Variants in UPRT observed in about 807,000 individuals in gnomAD.
UPRT encodes the protein RP11-311P8.3.
In UPRT, 5 loss-of-function variants were observed where a neutral mutation model predicts 22.6. The ratio of observed to expected loss-of-function variants is 0.22; its 90% CI spans 0.12 to 0.47. The LOEUF (loss-of-function observed/expected upper bound fraction) is 0.47, where lower values mean the gene tolerates loss of function less well. Among genes scored for constraint, UPRT ranks in the 20% least tolerant of loss-of-function variants. UPRT has a pLI of 0.99. For missense variants in UPRT, 181 were observed against 239.9 expected (o/e 0.75, Z 1.62); for synonymous variants, 77 against 87.7 (o/e 0.88, Z 0.68).
At chrX:75,189,246 A>G (rs1437085171) in intron 4 of UPRT, among the ~76,000 whole-genome samples, 2 of 112,034 alleles carry the variant, frequency 1.8e-5, no homozygotes, top group Non-Finnish European at 3.8e-5. Context: ...TGTACCCAGT[A>G]GTCATTCAGG....
intron 4 of UPRT, among the ~76,000 whole-genome samples, chrX:75,196,865 T>C (rs1209751773): frequency 1.8e-5 from 2 of 110,946 alleles, no homozygotes; most frequent in African/African-American, 6.6e-5. Flanking sequence ...ATAATAATAA[T>C]AATAATAATA....
chrX:75,255,696 C>A (rs772540243), intron 4 of UPRT, among the ~76,000 whole-genome samples: 1 of 111,577 alleles, frequency 9.0e-6, no homozygotes, highest in Non-Finnish European at 1.9e-5. Flanking sequence ...ACACCAAAAG[C>A]GAGCTGAAGT....
At chrX:75,297,637 T>A in intron 4 of UPRT, 84 bp downstream of exon 4, 1 of 1,033,366 alleles carries the variant, frequency 9.7e-7, no homozygotes, top group African/African-American at 1.8e-5. Context: ...GGCTTGTCTG[T>A]CATAATTGCA....
intron 1 of UPRT, chrX:75,291,428 T>C (rs2147699077): frequency 3.1e-6 from 1 of 323,124 alleles, no homozygotes; most frequent in East Asian, 1.0e-4. Context: ...GGTTATGATT[T>C]AAAATGAAGT....
At chrX:75,279,950 T>A (rs2082647406) in intron 1 of UPRT, among the ~76,000 whole-genome samples, 1 of 111,454 alleles carries the variant, frequency 9.0e-6, no homozygotes, top group Non-Finnish European at 1.9e-5. Context: ...TCTAATCTCA[T>A]CCAGGTCACT....
chrX:75,171,936 T>C (rs2082229219), intron 4 of UPRT, among the ~76,000 whole-genome samples: 1 of 111,901 alleles, frequency 8.9e-6, no homozygotes, highest in Non-Finnish European at 1.9e-5. Context: ...ATGTGAACTG[T>C]CTTCAGGTCT....
intron 4 of UPRT, among the ~76,000 whole-genome samples, chrX:75,185,415 T>C (rs186048324): frequency 5.0e-4 from 56 of 112,063 alleles, no homozygotes; most frequent in African/African-American, 1.8e-3. Flanking sequence ...CTGCTGGATT[T>C]GGTTTGCCAG....
intron 4 of UPRT, among the ~76,000 whole-genome samples, chrX:75,195,156 G>C (rs1001843739): frequency 8.9e-6 from 1 of 112,320 alleles, no homozygotes; most frequent in Non-Finnish European, 1.9e-5. Flanking sequence ...GTGGTGGGGT[G>C]ATGGCATGGG....
chrX:75,258,829 C>CG (rs1486070680), intron 4 of UPRT, among the ~76,000 whole-genome samples: 1 of 111,996 alleles, frequency 8.9e-6, no homozygotes, highest in Non-Finnish European at 1.9e-5. Flanking sequence ...GACTGGGAGA[C>CG]GCATCCCAGT....
chrX:75,272,350 A>G (rs1292304452), upstream of UPRT, among the ~76,000 whole-genome samples: 1,334 of 86,049 alleles, frequency 0.016, 49 homozygotes, highest in African/African-American at 0.042. Flanking sequence ...ATATACACAT[A>G]TATATATGTG....
At chrX:75,190,233 A>T in intron 4 of UPRT, among the ~76,000 whole-genome samples, 2 of 111,563 alleles carry the variant, frequency 1.8e-5, no homozygotes, top group Admixed American at 1.9e-4. Flanking sequence ...TCCTTCTCTT[A>T]TGAAGCTTAG....
intron 4 of UPRT, among the ~76,000 whole-genome samples, chrX:75,243,693 G>A (rs2082495251): frequency 9.0e-6 from 1 of 111,326 alleles, no homozygotes; most frequent in African/African-American, 3.3e-5. Flanking sequence ...GAAAACACAA[G>A]GCACAAAGGC....
At position 75,182,843 on chromosome X, in the gene UPRT, C is replaced by T. The variant is rs2082275485; in HGVS notation, c.-447+14964C>T. On this transcript the variant is annotated intron_variant, in intron 4 of 13. Transcript: ENST00000652605. ...GTATGGCTTTAAACACCTCAATTTCCTTCAGTTTAGGTATGATTTTGGTTA... is the reference window on the plus strand; with the variant it reads ...GTATGGCTTTAAACACCTCAATTTCTTTCAGTTTAGGTATGATTTTGGTTA... 4.6e-5 allele frequency among the ~76,000 whole-genome samples: 5 copies of T among 109,823 alleles called. No homozygotes were observed. The South Asian group carries it at 2.0e-3, about 43-fold the overall frequency.
chrX:75,269,642 C>G (rs779969374), upstream of UPRT, among the ~76,000 whole-genome samples: 20 of 111,640 alleles, frequency 1.8e-4, no homozygotes, highest in South Asian at 7.6e-3. Flanking sequence ...CTGACAAAAA[C>G]AAGCAATGGG....
In UPRT at chrX:75,211,937, C is replaced by T. The variant is rs771805146; in HGVS notation, c.-447+44058C>T. On this transcript the variant is annotated intron_variant, in intron 4 of 13. Transcript: ENST00000652605. ...TTATAGGCTTGGGCAATTCATAGGT[C>T]TGAGTGGGAGGGGACTGTGGGGGCA... is the stretch of plus-strand genomic sequence containing the variant. 6.3e-5 allele frequency among the ~76,000 whole-genome samples: 7 copies of T among 111,444 alleles called. No individual in the cohort carries two copies. The South Asian group carries it at 2.7e-3, about 42-fold the overall frequency.
chrX:75,185,691 A>G (rs1380235819), intron 4 of UPRT, among the ~76,000 whole-genome samples: 1 of 111,863 alleles, frequency 8.9e-6, no homozygotes, highest in Non-Finnish European at 1.9e-5. Context: ...TATTGCCACA[A>G]TTTCAGATCC....
intron 4 of UPRT, among the ~76,000 whole-genome samples, chrX:75,189,287 C>G (rs1036631566): frequency 9.0e-6 from 1 of 111,700 alleles, no homozygotes; most frequent in Non-Finnish European, 1.9e-5. Context: ...TGTAGTTGAG[C>G]GGTTTTGAGT....
At chrX:75,197,503 A>G (rs1313274623) in intron 4 of UPRT, among the ~76,000 whole-genome samples, 2 of 112,408 alleles carry the variant, frequency 1.8e-5, no homozygotes, top group African/African-American at 6.5e-5. Context: ...AACAATTGAA[A>G]TATGAATAAA....
chrX:75,156,402 G>A, exon 1 of UPRT: 1 of 753,049 alleles, frequency 1.3e-6, no homozygotes, highest in Admixed American at 2.7e-5. Context: ...TCTGTTTGAA[G>A]ATTCGGATGC....
Sources: gnomAD v4.1 joint callset for allele counts (sites outside exome capture counted in the v4.1 genomes callset) on GRCh38, gnomAD v4.1.1 for gene constraint, MANE v1.5 for transcripts, NCBI Gene and HGNC (gene_info 2026-07-23, HGNC 2026-07-21) for gene names.